Variants in VWA8 observed in about 807,000 individuals in gnomAD.
VWA8 encodes the protein von Willebrand factor A domain containing 8.
In VWA8, 221 loss-of-function variants were observed where a neutral mutation model predicts 241.5. The observed-to-expected ratio is 0.91, with a 90% CI of 0.82 to 1.02. VWA8 has a LOEUF of 1.02. Ranked by LOEUF, VWA8 falls within the 50% of genes least tolerant of loss-of-function variation. VWA8 has a pLI of 0.00. For missense variants in VWA8, 2,322 were observed against 2,328.7 expected (o/e 1.00, Z 0.06); for synonymous variants, 852 against 827.1 (o/e 1.03, Z -0.52).
intron 37 of VWA8, among the ~76,000 whole-genome samples, chr13:41,639,239 C>T (rs1048067222): frequency 1.3e-5 from 2 of 151,458 alleles, no homozygotes; most frequent in Non-Finnish European, 2.9e-5. Flanking sequence ...GCATAACCAT[C>T]TATTTGGAAA....
chr13:41,906,956 C>G (rs1370748527), intron 4 of VWA8, among the ~76,000 whole-genome samples: 1 of 152,032 alleles, frequency 6.6e-6, no homozygotes, highest in African/African-American at 2.4e-5. Context: ...AGTCAAGCAT[C>G]TTTTCATGAA....
intron 20 of VWA8, among the ~76,000 whole-genome samples, chr13:41,774,381 GATCCACTCACC>G: frequency 6.6e-6 from 1 of 152,300 alleles, no homozygotes; most frequent in African/African-American, 2.4e-5. Context: ...GGCCTCAACT[GATCCACTCACC>G]TTGGCCTCCC....
chr13:41,922,026 T>C (rs1045724618), intron 2 of VWA8, among the ~76,000 whole-genome samples: 2 of 152,172 alleles, frequency 1.3e-5, no homozygotes, highest in Admixed American at 6.5e-5. Context: ...ACTACCTGAC[T>C]TCAAACTATA....
chr13:41,598,430 A>T (rs919369070), intron 40 of VWA8, among the ~76,000 whole-genome samples: 1 of 152,118 alleles, frequency 6.6e-6, no homozygotes, highest in Non-Finnish European at 1.5e-5. Flanking sequence ...TTTTTAAAAA[A>T]TATATTTACC....
At chr13:41,845,018 T>C (rs1023627487) in intron 12 of VWA8, among the ~76,000 whole-genome samples, 1 of 152,110 alleles carries the variant, frequency 6.6e-6, no homozygotes, top group Non-Finnish European at 1.5e-5. Flanking sequence ...AAACTCTCAA[T>C]GTCATTTGCC....
At chr13:41,862,982 T>C (rs1873073335) in intron 12 of VWA8, among the ~76,000 whole-genome samples, 1 of 152,170 alleles carries the variant, frequency 6.6e-6, no homozygotes, top group South Asian at 2.1e-4. Context: ...AGCACTGTGA[T>C]GGTTAATACT....
intron 2 of VWA8, among the ~76,000 whole-genome samples, chr13:41,922,072 G>GTACCAAAACAGCATGGTATGC (rs1566040169): frequency 1.3e-5 from 2 of 152,266 alleles, no homozygotes; most frequent in East Asian, 3.9e-4. Flanking sequence ...GCATGGTATG[G>GTACCAAAACAGCATGGTATGC]TACCAAAACA....
intron 17 of VWA8, among the ~76,000 whole-genome samples, chr13:41,796,143 G>GTA (rs1566460835): frequency 2.0e-5 from 3 of 152,206 alleles, no homozygotes; most frequent in Admixed American, 1.3e-4. Context: ...ATGAGCATTT[G>GTA]TAATTGCATA....
intron 29 of VWA8, among the ~76,000 whole-genome samples, chr13:41,695,626 G>A (rs2045211246): frequency 6.6e-6 from 1 of 152,182 alleles, no homozygotes; most frequent in African/African-American, 2.4e-5. Flanking sequence ...TCCGGGAAAA[G>A]AGAAGGCAGT....
intron 21 of VWA8, among the ~76,000 whole-genome samples, chr13:41,749,749 G>A (rs543071273): frequency 5.3e-5 from 8 of 151,912 alleles, no homozygotes; most frequent in African/African-American, 1.4e-4. Flanking sequence ...GCAAACTATC[G>A]CAAGGACAAA....
rs745617478 is a variant in VWA8, at chr13:41,733,608, G to A, written c.2427-1453C>T. ...TCACTTGATCTTCAGTTTTTTAGCA[G>A]AGATGGTGCTTCTTGAAAGATCCCT... On this transcript the variant is annotated intron_variant, in intron 21 of 44. Coordinates refer to ENST00000379310, the MANE Select transcript of VWA8 (RefSeq NM_015058.2). 2.6e-5 allele frequency among the ~76,000 whole-genome samples: 4 copies of A among 152,280 alleles called. No homozygotes were observed. In the South Asian group the frequency reaches 8.3e-4, roughly 32 times the overall value.
intron 37 of VWA8, among the ~76,000 whole-genome samples, chr13:41,651,149 T>G (rs774125344): frequency 6.6e-6 from 1 of 151,896 alleles, no homozygotes; most frequent in Non-Finnish European, 1.5e-5. Context: ...AGCCATCTGA[T>G]CTTTGACAAA....
chr13:41,950,148 A>T, intron 1 of VWA8, 135 bp from the exon 2 acceptor site: 1 of 478,296 alleles, frequency 2.1e-6, no homozygotes, highest in Non-Finnish European at 3.8e-6. Context: ...TAAGTCAAGC[A>T]CTATGCTCTA....
In VWA8 at chr13:41,783,773, G is replaced by C. The variant is rs1869008020; in HGVS notation, c.2277+22C>G. On this transcript the variant is annotated intron_variant, in intron 19 of 44. Coordinates refer to ENST00000379310, the MANE Select transcript of VWA8 (RefSeq NM_015058.2). The stretch of plus-strand genomic sequence containing the variant: ...ACCACAATTTAAGTGATTTATCCAA[G>C]AACACAAAGCAATACTCTTACCTGA... The C allele has an allele frequency of 2.6e-6, 4 of 1,551,446 alleles. No individual in the cohort carries two copies. In the East Asian group the frequency reaches 9.1e-5, roughly 35 times the overall value.
chr13:41,616,661 A>G (rs2044622227), intron 37 of VWA8, among the ~76,000 whole-genome samples: 3 of 152,236 alleles, frequency 2.0e-5, no homozygotes, highest in African/African-American at 7.2e-5. Flanking sequence ...GAAAATGTTT[A>G]TATTTGAGGT....
In VWA8 at chr13:41,670,826, T is replaced by C. The variant is rs897284049; in HGVS notation, c.4611+120A>G. ...TTTATTTTGTATCTAAAAATTCTTT[T>C]AGTTCTTTAAGCAACTATTTTTGAG... On this transcript the variant is annotated intron_variant, in intron 37 of 44. Coordinates refer to ENST00000379310, the MANE Select transcript of VWA8 (RefSeq NM_015058.2). 15 of 1,097,036 alleles carry C rather than the reference T, an allele frequency of 1.4e-5. No individual in the cohort carries two copies. The African/African-American group carries it at 1.9e-4, about 14-fold the overall frequency. 68.0% of individuals were successfully genotyped at this position (1,097,036 alleles called of 1,614,324 possible).
At chr13:41,637,936 G>GT (rs2044769941) in intron 37 of VWA8, among the ~76,000 whole-genome samples, 1 of 152,194 alleles carries the variant, frequency 6.6e-6, no homozygotes, top group South Asian at 2.1e-4. Flanking sequence ...GGTGACTTGA[G>GT]TTTTAGTTCT....
At chr13:41,677,980 T>C (rs1184942483) in intron 35 of VWA8, among the ~76,000 whole-genome samples, 1 of 152,240 alleles carries the variant, frequency 6.6e-6, no homozygotes, top group Non-Finnish European at 1.5e-5. Flanking sequence ...ATATCTCCTA[T>C]TTATTTAACA....
At chr13:41,815,851 A>G (rs1302376998) in intron 16 of VWA8, among the ~76,000 whole-genome samples, 1 of 152,244 alleles carries the variant, frequency 6.6e-6, no homozygotes, top group East Asian at 1.9e-4. Flanking sequence ...TATGAAATCC[A>G]CTACTAGGAC....
Sources: allele counts gnomAD v4.1 joint callset (sites outside exome capture counted in the v4.1 genomes callset), GRCh38; gene constraint gnomAD v4.1.1; transcripts MANE v1.5; gene names NCBI Gene and HGNC (gene_info 2026-07-23, HGNC 2026-07-21).